Variants in LINGO2 observed in about 807,000 individuals in gnomAD.
LINGO2 encodes leucine rich repeat and Ig domain containing 2.
A neutral mutation model predicts 30.6 loss-of-function variants in LINGO2; 14 were observed. The observed-to-expected ratio is 0.46, with a 90% CI of 0.30 to 0.72. The LOEUF (loss-of-function observed/expected upper bound fraction) is 0.72, where lower values mean the gene tolerates loss of function less well. LINGO2 is among the 30% of genes least tolerant of loss of function. The probability of loss-of-function intolerance (pLI) is 0.07; values close to 1 mark genes in which losing one functional copy is unlikely to be tolerated. For missense variants in LINGO2, 729 were observed against 751.7 expected (o/e 0.97, Z 0.35); for synonymous variants, 317 against 288.5 (o/e 1.10, Z -1.00).
the LINGO2 span, among the ~76,000 whole-genome samples, chr9:28,720,365 T>C: frequency 6.6e-6 from 1 of 152,102 alleles, no homozygotes; most frequent in Non-Finnish European, 1.5e-5. Flanking sequence ...CTTTCAAGGT[T>C]CATGCCAAAG....
At chr9:29,116,010 A>C in the LINGO2 span, among the ~76,000 whole-genome samples, 1 of 152,006 alleles carries the variant, frequency 6.6e-6, no homozygotes, top group African/African-American at 2.4e-5. Context: ...ATTCAAATCT[A>C]ATTACTTGGG....
intron 4 of LINGO2, among the ~76,000 whole-genome samples, chr9:28,160,413 A>T (rs1319251315): frequency 6.6e-6 from 1 of 152,230 alleles, no homozygotes; most frequent in East Asian, 1.9e-4. Flanking sequence ...CAAATTATTT[A>T]TTGCCTCTCC....
At chr9:28,704,579 A>C in the LINGO2 span, among the ~76,000 whole-genome samples, 2 of 151,634 alleles carry the variant, frequency 1.3e-5, no homozygotes, top group Non-Finnish European at 2.9e-5. Flanking sequence ...GTTCTTGGGT[A>C]TTCTGTATTT....
chr9:28,092,022 C>G (rs1004867309), intron 4 of LINGO2, among the ~76,000 whole-genome samples: 2 of 151,996 alleles, frequency 1.3e-5, no homozygotes, highest in East Asian at 3.9e-4. Flanking sequence ...GTTAGAATGG[C>G]GATCATTAAA....
At chr9:28,634,342 G>C (rs1456842349) in intron 1 of LINGO2, among the ~76,000 whole-genome samples, 1 of 151,854 alleles carries the variant, frequency 6.6e-6, no homozygotes, top group Non-Finnish European at 1.5e-5. Flanking sequence ...GTTCTCTAGA[G>C]GTCCATGCAG....
intron 4 of LINGO2, among the ~76,000 whole-genome samples, chr9:28,164,239 T>C (rs571441222): frequency 2.0e-5 from 3 of 152,302 alleles, no homozygotes; most frequent in African/African-American, 7.2e-5. Context: ...ATTCATGTTC[T>C]TTTATTCAGT....
chr9:28,178,915 A>T (rs781269776), intron 4 of LINGO2, among the ~76,000 whole-genome samples: 1 of 152,044 alleles, frequency 6.6e-6, no homozygotes, highest in Non-Finnish European at 1.5e-5. Flanking sequence ...CTCCATTTTC[A>T]ATTTTTCTGA....
intron 4 of LINGO2, among the ~76,000 whole-genome samples, chr9:28,284,898 G>T (rs181619785): frequency 6.6e-6 from 1 of 152,182 alleles, no homozygotes; most frequent in Non-Finnish European, 1.5e-5. Context: ...ATTAAGGAGA[G>T]TATTACCTCA....
intron 4 of LINGO2, among the ~76,000 whole-genome samples, chr9:28,138,821 T>C (rs994346737): frequency 6.6e-6 from 1 of 152,132 alleles, no homozygotes. Flanking sequence ...ATGTACAAGA[T>C]TGAAGTTCCA....
the LINGO2 span, among the ~76,000 whole-genome samples, chr9:29,170,420 G>A: frequency 2.6e-5 from 4 of 151,952 alleles, no homozygotes; most frequent in African/African-American, 9.7e-5. Context: ...CATACAAAGT[G>A]GAATAACAGA....
At chr9:27,970,863 G>C (rs915299845) in intron 5 of LINGO2, among the ~76,000 whole-genome samples, 1 of 151,498 alleles carries the variant, frequency 6.6e-6, no homozygotes, top group Non-Finnish European at 1.5e-5. Context: ...AACATGGAAA[G>C]AGAATAGGGC....
At chr9:28,097,579 G>A (rs1294119994) in intron 4 of LINGO2, among the ~76,000 whole-genome samples, 7 of 139,792 alleles carry the variant, frequency 5.0e-5, no homozygotes, top group African/African-American at 1.1e-4. Flanking sequence ...GTAAACTATC[G>A]CAAGAACAAA....
In LINGO2 at chr9:28,524,370, T is replaced by C. The variant is rs181810206; in HGVS notation, c.-364-48345A>G. 1.9e-3 allele frequency among the ~76,000 whole-genome samples: 284 copies of C among 152,290 alleles called. 1 individual carries two copies. The highest frequency in any genetic ancestry group is 1.2e-3 in the East Asian group (6 of 5,182). On this transcript the variant is annotated intron_variant, in intron 1 of 5. Transcript: ENST00000379992. ...CTTAATTAGGCAAATGTTTCTTAAA[T>C]ATAACATCAAAAGCACACATAATAA...
intron 4 of LINGO2, among the ~76,000 whole-genome samples, chr9:28,284,966 G>C (rs548120539): frequency 2.0e-5 from 3 of 152,262 alleles, no homozygotes; most frequent in Admixed American, 1.3e-4. Context: ...GGAAATTGTT[G>C]ATAGAAATGC....
chr9:28,686,853 C>G, the LINGO2 span, among the ~76,000 whole-genome samples: 1 of 151,986 alleles, frequency 6.6e-6, no homozygotes, highest in Non-Finnish European at 1.5e-5. Context: ...TTTAAACGCC[C>G]ATGGCCCACT....
At chr9:28,235,577 C>T (rs888242033) in intron 4 of LINGO2, among the ~76,000 whole-genome samples, 5 of 152,142 alleles carry the variant, frequency 3.3e-5, no homozygotes, top group African/African-American at 9.7e-5. Flanking sequence ...TTTAAGGAAA[C>T]TCAAAGAAAT....
At chr9:28,318,835 T>G (rs565934595) in intron 3 of LINGO2, among the ~76,000 whole-genome samples, 26 of 152,316 alleles carry the variant, frequency 1.7e-4, no homozygotes, top group Non-Finnish European at 3.7e-4. Flanking sequence ...TTCTCTAGGC[T>G]AGGCACTGTA....
At chr9:28,424,843 T>C (rs1823339498) in intron 2 of LINGO2, among the ~76,000 whole-genome samples, 1 of 152,106 alleles carries the variant, frequency 6.6e-6, no homozygotes, top group Non-Finnish European at 1.5e-5. Context: ...GTGCAGTAGT[T>C]AAATGGTCAG....
chr9:28,273,256 T>A (rs915395347), intron 4 of LINGO2, among the ~76,000 whole-genome samples: 2 of 152,350 alleles, frequency 1.3e-5, no homozygotes, highest in South Asian at 2.1e-4. Context: ...TGTTATTGAA[T>A]GCAGCCTCAA....
Sources: allele counts gnomAD v4.1 joint callset (sites outside exome capture counted in the v4.1 genomes callset), GRCh38; gene constraint gnomAD v4.1.1; transcripts MANE v1.5; gene names NCBI Gene and HGNC (gene_info 2026-07-23, HGNC 2026-07-21).